Variants in IL1RAPL1 observed in about 807,000 individuals in gnomAD.
IL1RAPL1 encodes the protein interleukin 1 receptor accessory protein like 1, also known as interleukin-1 receptor accessory protein-like 1.
A neutral mutation model predicts 48.4 loss-of-function variants in IL1RAPL1; 3 were observed. That is an observed-to-expected ratio of 0.06 (90% CI 0.03 to 0.16). IL1RAPL1 has a LOEUF of 0.16. Ranked by LOEUF, IL1RAPL1 falls within the 10% of genes least tolerant of loss-of-function variation. IL1RAPL1 has a pLI of 1.00. For missense variants in IL1RAPL1, 349 were observed against 530.6 expected (o/e 0.66, Z 3.36); for synonymous variants, 185 against 187.7 (o/e 0.99, Z 0.12).
At chrX:29,226,444 CTT>C (rs57929074) in intron 2 of IL1RAPL1, among the ~76,000 whole-genome samples, 3 of 86,888 alleles carry the variant, frequency 3.5e-5, no homozygotes, top group Admixed American at 1.3e-4. Context: ...TTCTTTCTTT[CTT>C]TTTTTTTTTT....
At chrX:29,782,332 TGAGAGTA>T (rs1277159410) in intron 6 of IL1RAPL1, among the ~76,000 whole-genome samples, 1 of 111,705 alleles carries the variant, frequency 9.0e-6, no homozygotes, top group Non-Finnish European at 1.9e-5. Flanking sequence ...CTATGTCTTA[TGAGAGTA>T]GAAAGCAATG....
chrX:29,766,356 T>G (rs1044300485), intron 6 of IL1RAPL1, among the ~76,000 whole-genome samples: 1 of 77,037 alleles, frequency 1.3e-5, no homozygotes, highest in Non-Finnish European at 2.4e-5. Context: ...TATATATATA[T>G]ATATATAGAT....
At chrX:29,397,595 C>T (rs761295898) in intron 4 of IL1RAPL1, among the ~76,000 whole-genome samples, 25 of 110,298 alleles carry the variant, frequency 2.3e-4, no homozygotes, top group African/African-American at 8.2e-4. Context: ...TTCTTTTTCT[C>T]TTTTTTTAAT....
At chrX:28,659,346 A>G (rs1406673338) in intron 1 of IL1RAPL1, 4 of 552,089 alleles carry the variant, frequency 7.2e-6, no homozygotes, top group Non-Finnish European at 1.3e-5. Context: ...CCAGGCCTGT[A>G]ACGATGAGGT....
chrX:29,050,338 A>G (rs1157618480), intron 2 of IL1RAPL1, among the ~76,000 whole-genome samples: 6 of 112,044 alleles, frequency 5.4e-5, no homozygotes, highest in African/African-American at 1.9e-4. Flanking sequence ...ACAACAGCCT[A>G]TAAGACGGTA....
At chrX:28,668,545 A>G (rs1934909098) in intron 1 of IL1RAPL1, among the ~76,000 whole-genome samples, 1 of 113,548 alleles carries the variant, frequency 8.8e-6, no homozygotes. Flanking sequence ...GGCGTGAGCC[A>G]CCGCACCCGG....
chrX:28,988,936 A>G (rs1188637736), intron 2 of IL1RAPL1, among the ~76,000 whole-genome samples: 1 of 111,739 alleles, frequency 8.9e-6, no homozygotes, highest in Non-Finnish European at 1.9e-5. Flanking sequence ...AGAGAAGGAA[A>G]GTTTCACATC....
chrX:28,668,259 G>T (rs910377030), intron 1 of IL1RAPL1, among the ~76,000 whole-genome samples: 1 of 107,782 alleles, frequency 9.3e-6, no homozygotes, highest in South Asian at 4.0e-4. Flanking sequence ...CAAAAGAATT[G>T]TTTTTTTTTT....
At chrX:28,628,764 C>A (rs1409736593) in intron 1 of IL1RAPL1, among the ~76,000 whole-genome samples, 3 of 112,071 alleles carry the variant, frequency 2.7e-5, no homozygotes, top group African/African-American at 9.7e-5. Context: ...AAAATAAATA[C>A]CCTGATATGG....
At chrX:29,702,251 C>CA (rs1299590583) in intron 6 of IL1RAPL1, among the ~76,000 whole-genome samples, 840 of 59,678 alleles carry the variant, frequency 0.014, 3 homozygotes, top group Middle Eastern at 0.021. Context: ...GAGACTCTGT[C>CA]AAAAAAAAAA....
intron 2 of IL1RAPL1, among the ~76,000 whole-genome samples, chrX:28,908,266 T>C (rs1923270750): frequency 9.0e-6 from 1 of 111,559 alleles, no homozygotes; most frequent in Non-Finnish European, 1.9e-5. Flanking sequence ...TGTTGTTTTT[T>C]CTCTGGTTTC....
chrX:29,756,521 T>C (rs1928620806), intron 6 of IL1RAPL1, among the ~76,000 whole-genome samples: 1 of 110,785 alleles, frequency 9.0e-6, no homozygotes, highest in Non-Finnish European at 1.9e-5. Context: ...CAAGCGATTC[T>C]CCTGTCTCAG....
chrX:29,737,131 T>A (rs755523166), intron 6 of IL1RAPL1, among the ~76,000 whole-genome samples: 17 of 112,610 alleles, frequency 1.5e-4, no homozygotes, highest in African/African-American at 4.8e-4. Flanking sequence ...TGTTTCATCT[T>A]CCGCTCTGTT....
intron 1 of IL1RAPL1, among the ~76,000 whole-genome samples, chrX:28,596,648 G>T (rs749742788): frequency 9.0e-6 from 1 of 111,656 alleles, no homozygotes; most frequent in Admixed American, 9.5e-5. Context: ...AAATGGTCTC[G>T]TATTTGCATA....
intron 6 of IL1RAPL1, among the ~76,000 whole-genome samples, chrX:29,802,715 C>T (rs1929940963): frequency 1.2e-5 from 1 of 86,267 alleles, no homozygotes; most frequent in African/African-American, 4.2e-5. Flanking sequence ...TGGATGTATC[C>T]TAAGCAAGCT....
chrX:29,172,581 A>G (rs1354791513), intron 2 of IL1RAPL1, among the ~76,000 whole-genome samples: 2 of 111,952 alleles, frequency 1.8e-5, no homozygotes, highest in Admixed American at 1.9e-4. Flanking sequence ...AAAAATTGCT[A>G]ATACAATACA....
chrX:29,255,136 T>TGG (rs1931733578), intron 2 of IL1RAPL1, among the ~76,000 whole-genome samples: 1 of 98,077 alleles, frequency 1.0e-5, no homozygotes, highest in African/African-American at 4.3e-5. Context: ...TGTGTGTGTG[T>TGG]GTGTGCGTGT....
chrX:29,301,055 G>A (rs1481975127), intron 3 of IL1RAPL1, among the ~76,000 whole-genome samples: 1 of 111,851 alleles, frequency 8.9e-6, no homozygotes, highest in Non-Finnish European at 1.9e-5. Flanking sequence ...TGATCTTAAA[G>A]TCAAGCCATG....
chrX:29,110,285 G>T (rs2147469693), intron 2 of IL1RAPL1, among the ~76,000 whole-genome samples: 1 of 111,817 alleles, frequency 8.9e-6, no homozygotes, highest in East Asian at 2.8e-4. Flanking sequence ...TTTTTAAAGG[G>T]TCTTTATCTT....
Sources: gnomAD v4.1 joint callset for allele counts (sites outside exome capture counted in the v4.1 genomes callset) on GRCh38, gnomAD v4.1.1 for gene constraint, MANE v1.5 for transcripts, NCBI Gene and HGNC (gene_info 2026-07-23, HGNC 2026-07-21) for gene names.